The following TTLL5 variants were observed in gnomAD, a reference collection of about 807,000 sequenced individuals.
TTLL5 encodes tubulin tyrosine ligase like 5, also known as tubulin polyglutamylase TTLL5.
TTLL5 carries 132 observed loss-of-function variants against 168.4 expected under a neutral mutation model. The observed-to-expected ratio is 0.78, with a 90% confidence interval of 0.68 to 0.91. The LOEUF (loss-of-function observed/expected upper bound fraction) is 0.91, where lower values mean the gene tolerates loss of function less well. Ranked by LOEUF, TTLL5 falls within the 40% of genes least tolerant of loss-of-function variation. The pLI is 0.00. For synonymous variants in TTLL5, 546 were observed against 558.6 expected, an observed-to-expected ratio of 0.98 and a Z score of 0.32; for missense variants, 1,545 against 1,581.5, an observed-to-expected ratio of 0.98 and a Z score of 0.39.
At chr14:75,679,865 T>C (rs1248819048) in intron 3 of TTLL5, among the ~76,000 whole-genome samples, 1 of 152,220 alleles carries the variant, frequency 6.6e-6, no homozygotes, top group Non-Finnish European at 1.5e-5. Flanking sequence ...CCCACAAGAA[T>C]GAAAAGGACG....
intron 31 of TTLL5, chr14:75,930,682 G>A (rs1170520888): frequency 4.1e-6 from 4 of 975,954 alleles, no homozygotes; most frequent in Non-Finnish European, 4.9e-6. Context: ...ATAGGATTAG[G>A]CAAAGAAAGC....
In TTLL5 at chr14:75,949,367, TTATA is replaced by T. The variant is rs2034879738; in HGVS notation, c.3824-5054_3824-5051del. ...CTTTAAGAATATATATATGTATTCT[TTATA>T]TAAGGTTATATATATATAGGATATA... On this transcript the variant is annotated intron_variant, in intron 31 of 31. Transcript: ENST00000298832. Among the ~76,000 whole-genome samples, 5 of 133,012 alleles carry T rather than the reference TTATA, an allele frequency of 3.8e-5. No homozygotes were observed. In the South Asian group the frequency reaches 1.2e-3, roughly 31 times the overall value. The allele number at this position is 133,012 out of a possible 152,430, so 87.3% of individuals were successfully genotyped here. A position where few individuals can be genotyped will look rare whatever the true frequency, so the allele number is the denominator to read the frequency against.
intron 29 of TTLL5, among the ~76,000 whole-genome samples, chr14:75,874,369 A>T (rs1203190090): frequency 6.6e-6 from 1 of 152,108 alleles, no homozygotes; most frequent in Admixed American, 6.6e-5. Context: ...TGGGATTACA[A>T]GTGTGAGCCA....
intron 31 of TTLL5, among the ~76,000 whole-genome samples, chr14:75,925,142 C>T (rs1433439798): frequency 6.8e-6 from 1 of 146,312 alleles, no homozygotes; most frequent in East Asian, 2.1e-4. Flanking sequence ...GGGTGGCTGA[C>T]CCCCCCACCT....
chr14:75,880,995 C>A (rs188551992), intron 29 of TTLL5, among the ~76,000 whole-genome samples: 2 of 151,998 alleles, frequency 1.3e-5, no homozygotes, highest in African/African-American at 4.8e-5. Flanking sequence ...CCCTTTGCAA[C>A]CTTCACCTCC....
chr14:75,817,754 TTC>T (rs951376320), intron 27 of TTLL5, among the ~76,000 whole-genome samples: 1 of 151,964 alleles, frequency 6.6e-6, no homozygotes, highest in Admixed American at 6.5e-5. Flanking sequence ...GCTTTGTGTC[TTC>T]TCTCTCTTCA....
At chr14:75,823,519 G>T (rs1894951762) in intron 28 of TTLL5, among the ~76,000 whole-genome samples, 1 of 152,168 alleles carries the variant, frequency 6.6e-6, no homozygotes, top group African/African-American at 2.4e-5. Flanking sequence ...TTTTTTTCCA[G>T]TCCAGCCCTT....
intron 9 of TTLL5, 46 bp downstream of exon 9, chr14:75,707,753 G>A: frequency 6.8e-7 from 1 of 1,469,152 alleles, no homozygotes. Flanking sequence ...GTATATTAAG[G>A]GTGGGTATAT....
chr14:75,760,602 A>G (rs929747984), intron 18 of TTLL5, among the ~76,000 whole-genome samples: 2 of 152,078 alleles, frequency 1.3e-5, no homozygotes, highest in Non-Finnish European at 2.9e-5. Flanking sequence ...ATATTGGCAA[A>G]CTGATCACAT....
intron 2 of TTLL5, among the ~76,000 whole-genome samples, chr14:75,665,917 A>T (rs1306187073): frequency 1.3e-5 from 2 of 152,188 alleles, no homozygotes; most frequent in East Asian, 3.9e-4. Context: ...TAATGCTAAT[A>T]TTACTATGGT....
Position 75,661,484 on chromosome 14 carries a change from A to G in TTLL5, c.-96+97A>G, listed in dbSNP as rs751826911. 1.1e-3 allele frequency: 174 copies of G among 152,270 alleles called. No homozygotes were observed. The highest frequency in any genetic ancestry group is 2.0e-3 in the Non-Finnish European group (136 of 68,080). The allele number at this position is 152,270 out of a possible 1,614,324, so 9.4% of individuals were successfully genotyped here. ...CAGGACTTCCCGCTCAGAGCCCGGG[A>G]GTAGCTGTTGGCTTCCGGGCGCGCC... On this transcript the variant is annotated intron_variant, in intron 1 of 31. Transcript: ENST00000298832.
At chr14:75,928,188 C>T (rs61979174) in intron 31 of TTLL5, among the ~76,000 whole-genome samples, 2 of 151,672 alleles carry the variant, frequency 1.3e-5, no homozygotes, top group African/African-American at 2.4e-5. Context: ...CTGGCCTAGC[C>T]GCCAGGGTCA....
At chr14:75,891,421 T>G (rs1031709980) in intron 30 of TTLL5, among the ~76,000 whole-genome samples, 20 of 152,216 alleles carry the variant, frequency 1.3e-4, no homozygotes, top group Non-Finnish European at 2.5e-4. Context: ...GTCTTCACCC[T>G]TTCATCACAT....
intron 3 of TTLL5, among the ~76,000 whole-genome samples, chr14:75,679,211 C>A (rs1450365557): frequency 6.6e-6 from 1 of 152,134 alleles, no homozygotes; most frequent in East Asian, 1.9e-4. Context: ...CCTGGACTAT[C>A]CAAGTGGGCC....
chr14:75,683,218 G>T (rs571369311), intron 4 of TTLL5, among the ~76,000 whole-genome samples: 2 of 152,332 alleles, frequency 1.3e-5, no homozygotes, highest in Non-Finnish European at 2.9e-5. Flanking sequence ...CTACTATAAG[G>T]TTTATCTCTG....
chr14:75,735,318 A>G, intron 15 of TTLL5, 29 bp downstream of exon 15: 1 of 1,608,510 alleles, frequency 6.2e-7, no homozygotes, highest in South Asian at 1.1e-5. Context: ...AGGGAGCCTG[A>G]AGGAGGCTTA....
chr14:75,775,904 G>A (rs534968207), intron 22 of TTLL5, among the ~76,000 whole-genome samples: 3 of 152,282 alleles, frequency 2.0e-5, no homozygotes, highest in African/African-American at 7.2e-5. Context: ...ATGAATCCTA[G>A]GCTGTGTGAG....
chr14:75,680,336 G>A (rs1884502754), intron 3 of TTLL5, among the ~76,000 whole-genome samples: 1 of 152,140 alleles, frequency 6.6e-6, no homozygotes, highest in Non-Finnish European at 1.5e-5. Context: ...TCCTGAATGG[G>A]GCAGGTGCAG....
In TTLL5 at chr14:75,857,964, G is replaced by A. The variant is rs112124184; in HGVS notation, c.3327-5703G>A. Reference sequence around the variant, plus strand: ...CCACGCCTGGCATAGAATTCATTTTGTAATCATCCGGGCTTAGAATTTTCC... The same window carrying A: ...CCACGCCTGGCATAGAATTCATTTTATAATCATCCGGGCTTAGAATTTTCC... On this transcript the variant is annotated intron_variant, in intron 28 of 31. Coordinates refer to ENST00000298832, the MANE Select transcript of TTLL5 (RefSeq NM_015072.5). 6.8e-3 allele frequency among the ~76,000 whole-genome samples: 1,031 copies of A among 152,056 alleles called. 15 individuals carry two copies. Among genetic ancestry groups the A allele is most frequent in the African/African-American group, 0.024 (988 of 41,508 alleles).
Sources: gnomAD v4.1 joint callset for allele counts (sites outside exome capture counted in the v4.1 genomes callset) on GRCh38, gnomAD v4.1.1 for gene constraint, MANE v1.5 for transcripts, NCBI Gene and HGNC (gene_info 2026-07-23, HGNC 2026-07-21) for gene names.